PPM1H: variants seen among roughly 807,000 people sequenced by gnomAD.
PPM1H encodes the protein protein phosphatase, Mg2+/Mn2+ dependent 1H, also known as protein phosphatase 1H.
A neutral mutation model predicts 54.9 loss-of-function variants in PPM1H; 27 were observed. The observed-to-expected ratio is 0.49, with a 90% CI of 0.36 to 0.68. PPM1H has a LOEUF of 0.68. PPM1H is among the 30% of genes least tolerant of loss of function. The probability of loss-of-function intolerance (pLI) is 0.00; values close to 1 mark genes in which losing one functional copy is unlikely to be tolerated. For synonymous variants in PPM1H, 305 were observed against 270.8 expected (o/e 1.13, Z -1.24); for missense variants, 596 against 667.8 (o/e 0.89, Z 1.19).
chr12:62,876,806 C>G (rs1294812017), intron 1 of PPM1H, among the ~76,000 whole-genome samples: 1 of 152,200 alleles, frequency 6.6e-6, no homozygotes, highest in East Asian at 1.9e-4. Context: ...TAGTCCCTTA[C>G]AAACCCAACA....
Position 62,838,853 on chromosome 12 carries a change from G to A in PPM1H, c.246-6574C>T, listed in dbSNP as rs996133378. On this transcript the variant is annotated intron_variant, in intron 1 of 9. Transcript: ENST00000228705. ...GGAGAATGGCGTGAACCCGGGAGGCGGAGCTTGCAGTGAGCCGAGATCGCG... is the reference window on the plus strand; with the variant it reads ...GGAGAATGGCGTGAACCCGGGAGGCAGAGCTTGCAGTGAGCCGAGATCGCG... Among the ~76,000 whole-genome samples the A allele has an allele frequency of 4.7e-5, 6 of 128,162 alleles. No individual in the cohort carries two copies. In the South Asian group the frequency reaches 1.0e-3, roughly 22 times the overall value. 84.1% of individuals were successfully genotyped at this position (128,162 alleles called of 152,430 possible). A position where few individuals can be genotyped will look rare whatever the true frequency, so the allele number is the denominator to read the frequency against.
intron 2 of PPM1H, among the ~76,000 whole-genome samples, chr12:62,817,331 G>A (rs1447609121): frequency 1.1e-4 from 17 of 151,200 alleles, no homozygotes; most frequent in African/African-American, 3.9e-4. Flanking sequence ...GCGTGGTGGC[G>A]GGCGCCTGTA....
intron 2 of PPM1H, among the ~76,000 whole-genome samples, chr12:62,827,505 G>A (rs1480993374): frequency 6.6e-6 from 1 of 152,132 alleles, no homozygotes; most frequent in Non-Finnish European, 1.5e-5. Context: ...ACTGTCTTGA[G>A]TCATCTTGCC....
intron 1 of PPM1H, among the ~76,000 whole-genome samples, chr12:62,920,691 A>T (rs1447059956): frequency 2.0e-5 from 3 of 151,682 alleles, no homozygotes; most frequent in Admixed American, 6.6e-5. Context: ...TTGGTTTCCC[A>T]TTCCTGCTTT....
chr12:62,692,405 T>A (rs964194237), intron 7 of PPM1H, among the ~76,000 whole-genome samples: 1 of 152,252 alleles, frequency 6.6e-6, no homozygotes, highest in African/African-American at 2.4e-5. Context: ...CAAATCTTAC[T>A]GCTATAAACT....
At chr12:62,908,840 C>G (rs974454770) in intron 1 of PPM1H, among the ~76,000 whole-genome samples, 14 of 152,208 alleles carry the variant, frequency 9.2e-5, no homozygotes, top group South Asian at 2.1e-4. Flanking sequence ...TTTCCCTTAT[C>G]TATTTAATCC....
At chr12:62,722,463 C>G (rs532438285) in intron 5 of PPM1H, among the ~76,000 whole-genome samples, 1 of 152,200 alleles carries the variant, frequency 6.6e-6, no homozygotes, top group East Asian at 1.9e-4. Flanking sequence ...CTGGGTGGAT[C>G]TTGAGCCTGA....
At chr12:62,919,573 G>A (rs1007991322) in intron 1 of PPM1H, among the ~76,000 whole-genome samples, 5 of 152,102 alleles carry the variant, frequency 3.3e-5, no homozygotes, top group Admixed American at 6.5e-5. Context: ...GAGATATGAT[G>A]TATCTGGTTA....
Position 62,720,215 on chromosome 12 carries a change from C to T in PPM1H, c.1029G>A (p.Glu343=). The T allele has an allele frequency of 1.2e-6, 2 of 1,613,664 alleles. No homozygotes were observed. Among genetic ancestry groups the T allele is most frequent in the South Asian group, 2.2e-5 (2 of 91,072 alleles). The part of the protein sequence containing the change: ...LEFPRRVQRK[E]LGKKMLYRDF... ...CCCTGTAGAGCATCTTCTTTCCAAG[C>T]TCCTTTCTCTGTACTCTCCTTGGAA... The change falls in exon 6 of 10, where the codon GAG becomes GAA. Residue 343 remains glutamate (E), a synonymous_variant. Coordinates refer to ENST00000228705, the MANE Select transcript of PPM1H (RefSeq NM_020700.2).
At chr12:62,834,923 C>T (rs1216453146) in intron 1 of PPM1H, among the ~76,000 whole-genome samples, 33 of 152,130 alleles carry the variant, frequency 2.2e-4, no homozygotes, top group Admixed American at 2.1e-3. Flanking sequence ...CCCAAATGTG[C>T]GCCTTCCCTG....
chr12:62,919,378 G>A (rs1222959978), intron 1 of PPM1H, among the ~76,000 whole-genome samples: 1 of 151,234 alleles, frequency 6.6e-6, no homozygotes, highest in African/African-American at 2.4e-5. Flanking sequence ...CAGGCTCCTT[G>A]AAGACCTGGA....
chr12:62,909,283 T>A (rs1247996170), intron 1 of PPM1H, among the ~76,000 whole-genome samples: 1 of 152,340 alleles, frequency 6.6e-6, no homozygotes, highest in South Asian at 2.1e-4. Context: ...TTGCCCCTGC[T>A]AGCTACAATT....
chr12:62,863,721 A>G (rs927163375), intron 1 of PPM1H, among the ~76,000 whole-genome samples: 5 of 152,182 alleles, frequency 3.3e-5, no homozygotes, highest in African/African-American at 1.2e-4. Flanking sequence ...GGGAGAACTG[A>G]ATTTCAGGAA....
At chr12:62,831,991 A>T in intron 2 of PPM1H, 123 bp downstream of exon 2, 1 of 1,197,892 alleles carries the variant, frequency 8.3e-7, no homozygotes, top group Non-Finnish European at 1.2e-6. Flanking sequence ...CACCCCACTA[A>T]CTCTGGGGAC....
chr12:62,677,524 C>T (rs1022573532), intron 8 of PPM1H, among the ~76,000 whole-genome samples: 4 of 152,172 alleles, frequency 2.6e-5, no homozygotes, highest in African/African-American at 4.8e-5. Flanking sequence ...CAGTGGAAGC[C>T]GCTTGTGGTG....
At chr12:62,710,537 T>TA (rs35445574) in intron 6 of PPM1H, among the ~76,000 whole-genome samples, 53,269 of 130,104 alleles carry the variant, frequency 0.41, 11,473 homozygotes, top group East Asian at 0.6. Flanking sequence ...ACTGTCTCTT[T>TA]AAAAAAAAAA....
intron 1 of PPM1H, among the ~76,000 whole-genome samples, chr12:62,839,600 G>A (rs1225874834): frequency 1.3e-5 from 2 of 151,472 alleles, no homozygotes; most frequent in Non-Finnish European, 2.9e-5. Flanking sequence ...GACCAGCCTG[G>A]CCTCATGGGC....
At chr12:62,819,306 T>C (rs2076888298) in intron 2 of PPM1H, among the ~76,000 whole-genome samples, 1 of 151,388 alleles carries the variant, frequency 6.6e-6, no homozygotes, top group Non-Finnish European at 1.5e-5. Context: ...ATTTTTTGTA[T>C]TTTTAGTAAA....
chr12:62,923,161 T>TA (rs1871855738), intron 1 of PPM1H, among the ~76,000 whole-genome samples: 1 of 151,932 alleles, frequency 6.6e-6, no homozygotes, highest in Admixed American at 6.5e-5. Context: ...CTTATTTTTT[T>TA]ATTTTTCTAT....
Sources: allele counts gnomAD v4.1 joint callset (sites outside exome capture counted in the v4.1 genomes callset), GRCh38; gene constraint gnomAD v4.1.1; transcripts MANE v1.5; gene names NCBI Gene and HGNC (gene_info 2026-07-23, HGNC 2026-07-21).